IQCH: variants seen among roughly 807,000 people sequenced by gnomAD.
IQCH encodes the protein IQ domain-containing protein H.
A neutral mutation model predicts 117.0 loss-of-function variants in IQCH; 98 were observed. The observed-to-expected ratio is 0.84, with a 90% CI of 0.71 to 0.99. The LOEUF is 0.99. Ranked by LOEUF, IQCH falls within the 50% of genes least tolerant of loss-of-function variation. The probability of loss-of-function intolerance (pLI) is 0.00; values close to 1 mark genes in which losing one functional copy is unlikely to be tolerated. For synonymous variants in IQCH, 412 were observed against 448.2 expected (o/e 0.92, Z 1.02); for missense variants, 1,102 against 1,243.8 (o/e 0.89, Z 1.72).
At chr15:67,309,600 C>T (rs997319310) in intron 4 of IQCH, among the ~76,000 whole-genome samples, 1 of 152,014 alleles carries the variant, frequency 6.6e-6, no homozygotes, top group Non-Finnish European at 1.5e-5. Flanking sequence ...ACAGGATACC[C>T]TCTCCATGGG....
rs1334696280 is a variant in IQCH at position 67,422,595 on chromosome 15, G to C, written c.2505+1018G>C. Among the ~76,000 whole-genome samples the C allele has an allele frequency of 6.6e-6, 1 of 152,050 alleles. No homozygotes were observed. The highest frequency in any genetic ancestry group is 1.5e-5 in the Non-Finnish European group (1 of 68,006). On this transcript the variant is annotated intron_variant, in intron 16 of 20. Coordinates refer to ENST00000335894, the MANE Select transcript of IQCH (RefSeq NM_001031715.3). This position sits in a 1 kb window ranked among gnomAD's most constrained non-coding sequence, Gnocchi z 4.7. ...CATGGATACACCCAAAAATAATGTA[G>C]AGTTTTATTTTGCATGTTTTTAAGA...
chr15:67,274,458 G>T (rs1338158580), intron 3 of IQCH, among the ~76,000 whole-genome samples: 2 of 152,048 alleles, frequency 1.3e-5, no homozygotes, highest in African/African-American at 4.8e-5. Context: ...AGCCTCTAGT[G>T]AATTTTTTAG....
At chr15:67,315,347 T>C (rs546236249) in intron 4 of IQCH, among the ~76,000 whole-genome samples, 24 of 152,212 alleles carry the variant, frequency 1.6e-4, no homozygotes, top group Non-Finnish European at 3.4e-4. Context: ...TGCACCCATA[T>C]GTGAAGCTAC....
chr15:67,468,599 A>G (rs747078887), intron 17 of IQCH, among the ~76,000 whole-genome samples: 2 of 152,248 alleles, frequency 1.3e-5, no homozygotes, highest in African/African-American at 4.8e-5. Flanking sequence ...GCAGTTCATT[A>G]TGCATGTGGA....
Position 67,432,374 on chromosome 15 carries a change from T to TA in IQCH, c.2505+10806dup, listed in dbSNP as rs528030844. Among the ~76,000 whole-genome samples the TA allele has an allele frequency of 2.7e-4, 41 of 151,846 alleles. No homozygotes were observed. Among genetic ancestry groups the TA allele is most frequent in the Middle Eastern group, 3.4e-3 (1 of 294 alleles). On this transcript the variant is annotated intron_variant, in intron 16 of 20. Transcript: ENST00000335894. This position sits in a 1 kb window ranked among gnomAD's most constrained non-coding sequence, Gnocchi z 5.0. Reference sequence around the variant, plus strand: ...CTAAATACAGAATATCAGCCTAGAATAAAAAAAAATCTGAAAATATTTTCA... The same window carrying TA: ...CTAAATACAGAATATCAGCCTAGAATAAAAAAAAAATCTGAAAATATTTTCA...
chr15:67,392,142 A>G (rs1371952407), intron 12 of IQCH, among the ~76,000 whole-genome samples: 2 of 152,128 alleles, frequency 1.3e-5, no homozygotes, highest in Non-Finnish European at 2.9e-5. Flanking sequence ...CCCATCTCCA[A>G]AATAGGGATA....
intron 3 of IQCH, among the ~76,000 whole-genome samples, chr15:67,275,477 C>T (rs1966085045): frequency 6.6e-6 from 1 of 151,944 alleles, no homozygotes. Flanking sequence ...TTTTAGTTTT[C>T]TGTTATGGGA....
intron 4 of IQCH, among the ~76,000 whole-genome samples, chr15:67,291,459 G>T (rs773297517): frequency 4.6e-5 from 7 of 152,010 alleles, no homozygotes; most frequent in Non-Finnish European, 7.4e-5. Context: ...CCTTAAAATT[G>T]ATGCCTTAAC....
intron 3 of IQCH, among the ~76,000 whole-genome samples, chr15:67,263,620 G>T (rs12443472): frequency 6.6e-6 from 1 of 151,930 alleles, no homozygotes; most frequent in Non-Finnish European, 1.5e-5. Context: ...ACTCTTTGTT[G>T]TTGTTATTTT....
intron 18 of IQCH, among the ~76,000 whole-genome samples, chr15:67,480,060 A>C (rs1461727288): frequency 6.6e-6 from 1 of 152,222 alleles, no homozygotes; most frequent in Non-Finnish European, 1.5e-5. Flanking sequence ...GAAAGGCGTC[A>C]TGTTTACTGC....
chr15:67,280,993 C>T (rs1450413906), intron 4 of IQCH, among the ~76,000 whole-genome samples: 1 of 151,934 alleles, frequency 6.6e-6, no homozygotes, highest in African/African-American at 2.4e-5. Flanking sequence ...TTATAGGCAC[C>T]CACCACCACG....
intron 16 of IQCH, among the ~76,000 whole-genome samples, chr15:67,442,232 G>C (rs1202525137): frequency 6.6e-6 from 1 of 151,722 alleles, no homozygotes; most frequent in Non-Finnish European, 1.5e-5. Flanking sequence ...CCGACATGGA[G>C]AAACCCCATG....
At position 67,404,488 on chromosome 15, in the gene IQCH, A is replaced by G. The variant is rs1024965744; in HGVS notation, c.2097+4183A>G. The G allele has an allele frequency of 2.0e-5, 3 of 152,236 alleles. No individual in the cohort carries two copies. The highest frequency in any genetic ancestry group is 7.2e-5 in the African/African-American group (3 of 41,462). 9.4% of individuals were successfully genotyped at this position (152,236 alleles called of 1,614,324 possible). ...CCAAAGAGCCATTGCTTGTAATCACATCATTTTTAGAAAAGTTTAAAGATA... is the reference window on the plus strand; with the variant it reads ...CCAAAGAGCCATTGCTTGTAATCACGTCATTTTTAGAAAAGTTTAAAGATA... On this transcript the variant is annotated intron_variant, in intron 14 of 20. Coordinates refer to ENST00000335894, the MANE Select transcript of IQCH (RefSeq NM_001031715.3). This position sits in a 1 kb window ranked among gnomAD's most constrained non-coding sequence, Gnocchi z 4.6.
chr15:67,348,347 G>A (rs999377279), intron 6 of IQCH, among the ~76,000 whole-genome samples: 9 of 98,774 alleles, frequency 9.1e-5, no homozygotes, highest in East Asian at 2.9e-4. Flanking sequence ...ATAGAAATTC[G>A]CAAGCCATCA....
At position 67,405,089 on chromosome 15, in the gene IQCH, A is replaced by G. The variant is rs888864434; in HGVS notation, c.2097+4784A>G. On this transcript the variant is annotated intron_variant, in intron 14 of 20. Coordinates refer to ENST00000335894, the MANE Select transcript of IQCH (RefSeq NM_001031715.3). This position sits in a 1 kb window ranked among gnomAD's most constrained non-coding sequence, Gnocchi z 4.8. ...TTCTCATTGCTATTATTTGATTACT[A>G]GCAAGGGATATTCTTTTTTCATGTC... The G allele has an allele frequency of 2.0e-5, 3 of 152,208 alleles. No homozygotes were observed. The highest frequency in any genetic ancestry group is 2.1e-4 in the South Asian group (1 of 4,838). The allele number at this position is 152,208 out of a possible 1,614,324, so 9.4% of individuals were successfully genotyped here.
rs752444584 is a variant in IQCH, at chr15:67,254,868, C to A, written c.-29C>A. 1.9e-6 allele frequency: 3 copies of A among 1,610,610 alleles called. No homozygotes were observed. The highest frequency in any genetic ancestry group is 2.5e-6 in the Non-Finnish European group (3 of 1,178,038). On this transcript the variant is annotated 5_prime_UTR_variant, in exon 1 of 21. Coordinates refer to ENST00000335894, the MANE Select transcript of IQCH (RefSeq NM_001031715.3). ...TTTCCGTGCTTGGAAACCGCGCCTCCGCGGAGGTAGCCGTTCCCTGACCTA... is the reference window on the plus strand; with the variant it reads ...TTTCCGTGCTTGGAAACCGCGCCTCAGCGGAGGTAGCCGTTCCCTGACCTA...
Position 67,395,158 on chromosome 15 carries a change from C to A in IQCH, c.1633-133C>A. 2.0e-6 allele frequency: 2 copies of A among 977,118 alleles called. No homozygotes were observed. The highest frequency in any genetic ancestry group is 1.6e-5 in the South Asian group (1 of 60,718). The allele number at this position is 977,118 out of a possible 1,614,324, so 60.5% of individuals were successfully genotyped here. A position where few individuals can be genotyped will look rare whatever the true frequency, so the allele number is the denominator to read the frequency against. ...CCCCAACAGCTTTTATCAATTTAAA[C>A]TGCTAAACAACAGGATAGGTCATAA... On this transcript the variant is annotated intron_variant, in intron 12 of 20. Coordinates refer to ENST00000335894, the MANE Select transcript of IQCH (RefSeq NM_001031715.3). This position sits in a 1 kb window ranked among gnomAD's most constrained non-coding sequence, Gnocchi z 4.0.
At chr15:67,280,654 T>C (rs934020782) in intron 4 of IQCH, among the ~76,000 whole-genome samples, 5 of 152,030 alleles carry the variant, frequency 3.3e-5, no homozygotes, top group African/African-American at 7.2e-5. Flanking sequence ...TACCATTACA[T>C]TGGGTTAGGA....
intron 17 of IQCH, among the ~76,000 whole-genome samples, chr15:67,469,337 G>A (rs748560175): frequency 1.3e-5 from 2 of 152,112 alleles, no homozygotes; most frequent in African/African-American, 2.4e-5. Context: ...TTGATCTTAC[G>A]GGGCCTACAG....
Sources: allele counts gnomAD v4.1 joint callset (sites outside exome capture counted in the v4.1 genomes callset), GRCh38; gene constraint gnomAD v4.1.1; non-coding constraint Gnocchi (gnomAD v3.1); transcripts MANE v1.5; gene names NCBI Gene and HGNC (gene_info 2026-07-23, HGNC 2026-07-21).